Variants in OSBPL9 observed in about 807,000 individuals in gnomAD.
OSBPL9 encodes the protein oxysterol-binding protein-related protein 9.
Under a neutral mutation model 106.6 loss-of-function variants are expected in OSBPL9, and 40 were observed. The observed-to-expected ratio is 0.38, with a 90% confidence interval of 0.29 to 0.49. The LOEUF is 0.49. Among genes scored for constraint, OSBPL9 ranks in the 20% least tolerant of loss-of-function variants. The probability of loss-of-function intolerance (pLI) is 0.97; values close to 1 mark genes in which losing one functional copy is unlikely to be tolerated. For missense variants in OSBPL9, 609 were observed against 887.2 expected (o/e 0.69, Z 3.98); for synonymous variants, 269 against 295.4 (o/e 0.91, Z 0.92).
intron 1 of OSBPL9, 49 bp from the exon 2 acceptor site, chr1:51,651,942 T>C: frequency 1.4e-6 from 2 of 1,434,642 alleles, no homozygotes; most frequent in Non-Finnish European, 2.0e-6. Context: ...AAAAACAATT[T>C]ACCAGTCTGT....
At chr1:51,529,262 A>G in the OSBPL9 span, among the ~76,000 whole-genome samples, 6 of 151,620 alleles carry the variant, frequency 4.0e-5, no homozygotes, top group African/African-American at 1.5e-4. Flanking sequence ...TTTTTGAGAC[A>G]AGAGTCTTGC....
chr1:51,706,114 A>G (rs1161645359), intron 3 of OSBPL9, among the ~76,000 whole-genome samples: 2 of 152,126 alleles, frequency 1.3e-5, no homozygotes, highest in East Asian at 3.9e-4. Flanking sequence ...TTTTTCCATT[A>G]TCTGGAAGAT....
chr1:51,745,184 G>A (rs946521916), intron 4 of OSBPL9: 1 of 186,916 alleles, frequency 5.3e-6, no homozygotes, highest in African/African-American at 2.4e-5. Context: ...AAGTAACCTA[G>A]GTGGGTTTTG....
intron 3 of OSBPL9, among the ~76,000 whole-genome samples, chr1:51,680,221 C>T (rs1163311809): frequency 6.6e-6 from 1 of 151,956 alleles, no homozygotes; most frequent in East Asian, 1.9e-4. Context: ...TGTCACTGCA[C>T]TCCAGCCTGG....
chr1:51,545,661 G>A, the OSBPL9 span, among the ~76,000 whole-genome samples: 6 of 152,334 alleles, frequency 3.9e-5, no homozygotes, highest in African/African-American at 1.4e-4. Context: ...TGTAGTCCTA[G>A]CTACTCAGGA....
At chr1:51,738,570 C>T (rs1325382092) in intron 4 of OSBPL9, among the ~76,000 whole-genome samples, 1 of 152,024 alleles carries the variant, frequency 6.6e-6, no homozygotes, top group African/African-American at 2.4e-5. Flanking sequence ...TCCTGAACAT[C>T]TCATATTGGA....
the OSBPL9 span, among the ~76,000 whole-genome samples, chr1:51,528,608 A>C: frequency 5.5e-4 from 83 of 152,026 alleles, 1 homozygote; most frequent in Admixed American, 9.2e-4. Flanking sequence ...ACAGTGGCTC[A>C]CCTCTGTAAC....
chr1:51,750,029 T>G (rs1045008928), intron 7 of OSBPL9, 116 bp from the exon 8 acceptor site: 2 of 559,066 alleles, frequency 3.6e-6, no homozygotes, highest in Non-Finnish European at 6.0e-6. Flanking sequence ...GGATATTTCT[T>G]GTGTAGTATA....
At chr1:51,646,185 T>C (rs867910517) in intron 1 of OSBPL9, among the ~76,000 whole-genome samples, 3 of 152,188 alleles carry the variant, frequency 2.0e-5, no homozygotes, top group Admixed American at 2.0e-4. Context: ...GGTATTATAT[T>C]GAATCTGTAA....
chr1:51,545,624 A>T, the OSBPL9 span, among the ~76,000 whole-genome samples: 1 of 152,136 alleles, frequency 6.6e-6, no homozygotes, highest in East Asian at 1.9e-4. Flanking sequence ...AATAAAATAA[A>T]AATTTACCAG....
chr1:51,566,303 C>T, the OSBPL9 span: 2 of 152,436 alleles, frequency 1.3e-5, no homozygotes, highest in South Asian at 4.1e-4. Context: ...GCTGAGATCC[C>T]ACCTGCTTCC....
intron 4 of OSBPL9, chr1:51,730,111 C>T (rs1185896976): frequency 2.4e-6 from 3 of 1,251,014 alleles, no homozygotes; most frequent in Non-Finnish European, 3.0e-6. Flanking sequence ...GCCTCCTTCC[C>T]GCCGCCCCCT....
the OSBPL9 span, chr1:51,563,538 G>C: frequency 6.6e-6 from 1 of 152,254 alleles, no homozygotes; most frequent in Non-Finnish European, 1.5e-5. Context: ...ATGACCACAG[G>C]ATCTCAGAAT....
intron 1 of OSBPL9, among the ~76,000 whole-genome samples, chr1:51,626,882 C>A (rs970938726): frequency 3.3e-5 from 5 of 152,108 alleles, no homozygotes; most frequent in African/African-American, 1.2e-4. Context: ...CTTTTGGTGT[C>A]GTATCTGAGA....
intron 9 of OSBPL9, among the ~76,000 whole-genome samples, chr1:51,759,203 T>C (rs1670990070): frequency 6.6e-6 from 1 of 151,102 alleles, no homozygotes; most frequent in Admixed American, 6.6e-5. Context: ...AGATAAACTA[T>C]TTTAGTGACA....
chr1:51,725,633 C>A (rs1662980082), intron 4 of OSBPL9, among the ~76,000 whole-genome samples: 1 of 152,168 alleles, frequency 6.6e-6, no homozygotes, highest in Non-Finnish European at 1.5e-5. Flanking sequence ...ACATGTGCTT[C>A]TCAAGTCCAT....
At chr1:51,633,537 G>T (rs1266740528) in intron 1 of OSBPL9, among the ~76,000 whole-genome samples, 1 of 151,898 alleles carries the variant, frequency 6.6e-6, no homozygotes, top group Non-Finnish European at 1.5e-5. Flanking sequence ...GCTGCAGTGA[G>T]CTGTGTTCCT....
chr1:51,731,399 T>C (rs921022425), intron 4 of OSBPL9, among the ~76,000 whole-genome samples: 1 of 152,136 alleles, frequency 6.6e-6, no homozygotes, highest in African/African-American at 2.4e-5. Context: ...TGCGGTGAGC[T>C]ATGATTGCAC....
chr1:51,591,866 T>C (rs572786644), intron 1 of OSBPL9, among the ~76,000 whole-genome samples: 2 of 152,076 alleles, frequency 1.3e-5, no homozygotes, highest in South Asian at 4.1e-4. Flanking sequence ...TGAGTTTGGA[T>C]AGAACAAGTC....
Sources: gnomAD v4.1 joint callset for allele counts (sites outside exome capture counted in the v4.1 genomes callset) on GRCh38, gnomAD v4.1.1 for gene constraint, MANE v1.5 for transcripts, NCBI Gene and HGNC (gene_info 2026-07-23, HGNC 2026-07-21) for gene names.